NELL2: variants seen among roughly 807,000 people sequenced by gnomAD.
NELL2 encodes neural EGFL like 2, also known as protein kinase C-binding protein NELL2.
In NELL2, 41 loss-of-function variants were observed where a neutral mutation model predicts 109.6. That is an observed-to-expected ratio of 0.37 (90% CI 0.29 to 0.49). NELL2 has a LOEUF of 0.49. NELL2 is among the 20% of genes least tolerant of loss of function. NELL2 has a pLI of 0.98. For missense variants in NELL2, 900 were observed against 1,008.3 expected, an observed-to-expected ratio of 0.89 and a Z score of 1.45; for synonymous variants, 355 against 344.7, an observed-to-expected ratio of 1.03 and a Z score of -0.33.
chr12:44,736,904 A>G (rs1376945103), intron 9 of NELL2, among the ~76,000 whole-genome samples: 1 of 152,064 alleles, frequency 6.6e-6, no homozygotes, highest in African/African-American at 2.4e-5. Context: ...AAAATAATAG[A>G]AAATTTCCTA....
chr12:44,539,635 C>T (rs1053165597), intron 15 of NELL2, among the ~76,000 whole-genome samples: 1 of 151,978 alleles, frequency 6.6e-6, no homozygotes, highest in East Asian at 1.9e-4. Flanking sequence ...GGCTTTTGAC[C>T]TTAGCCACTA....
At chr12:44,766,650 C>T (rs1211096870) in intron 9 of NELL2, among the ~76,000 whole-genome samples, 1 of 152,108 alleles carries the variant, frequency 6.6e-6, no homozygotes, top group Non-Finnish European at 1.5e-5. Flanking sequence ...TGAATGATAC[C>T]TAGATTATCA....
chr12:44,679,602 G>A (rs960180554), intron 12 of NELL2, among the ~76,000 whole-genome samples: 1 of 152,090 alleles, frequency 6.6e-6, no homozygotes, highest in African/African-American at 2.4e-5. Context: ...AAGTTGAGAC[G>A]TTTCCCAAAT....
chr12:44,892,398 C>T (rs1170603845), intron 1 of NELL2, among the ~76,000 whole-genome samples: 1 of 152,114 alleles, frequency 6.6e-6, no homozygotes, highest in Admixed American at 6.5e-5. Context: ...AAGTGCTTAC[C>T]AGCTTTCAAG....
At chr12:44,689,682 C>A (rs1592341132) in intron 12 of NELL2, among the ~76,000 whole-genome samples, 1 of 152,350 alleles carries the variant, frequency 6.6e-6, no homozygotes, top group Middle Eastern at 3.4e-3. Flanking sequence ...TTATTCTCAA[C>A]TGAGAGCAAT....
intron 9 of NELL2, among the ~76,000 whole-genome samples, chr12:44,725,725 T>G (rs1410980284): frequency 6.6e-6 from 1 of 152,166 alleles, no homozygotes; most frequent in African/African-American, 2.4e-5. Flanking sequence ...TGGAGGCTCT[T>G]ATCCTTAGCA....
chr12:44,664,829 A>ATGTTT lies in NELL2; in HGVS notation c.1444+650_1444+654dup, dbSNP rs144528117. Among the ~76,000 whole-genome samples the ATGTTT allele has an allele frequency of 3.8e-3, 578 of 151,922 alleles. 2 individuals carry two copies. The highest frequency in any genetic ancestry group is 8.1e-3 in the African/African-American group (336 of 41,446). On this transcript the variant is annotated intron_variant, in intron 13 of 19. Coordinates refer to ENST00000429094, the MANE Select transcript of NELL2 (RefSeq NM_001145108.2). ...GTATTCAAGCTACTCTTCTAGCATC[A>ATGTTT]TGTTTTGTTTTGTTTTGTTTTGTTT... is the stretch of plus-strand genomic sequence containing the variant.
intron 9 of NELL2, among the ~76,000 whole-genome samples, chr12:44,737,034 A>G (rs910436887): frequency 3.3e-5 from 5 of 152,102 alleles, no homozygotes; most frequent in Non-Finnish European, 7.4e-5. Context: ...TTACATAAAA[A>G]TATTATTTTT....
At chr12:44,581,613 C>G (rs1166532345) in intron 15 of NELL2, among the ~76,000 whole-genome samples, 1 of 151,298 alleles carries the variant, frequency 6.6e-6, no homozygotes, top group Admixed American at 6.6e-5. Flanking sequence ...AACTACTTCT[C>G]TTTATATAGG....
At position 44,771,883 on chromosome 12, in the gene NELL2, A is replaced by T. The variant is rs79502723; in HGVS notation, c.994+2864T>A. Among the ~76,000 whole-genome samples the T allele has an allele frequency of 9.4e-3, 1,437 of 152,342 alleles. 18 individuals carry two copies. Among genetic ancestry groups the T allele is most frequent in the African/African-American group, 0.032 (1,335 of 41,572 alleles). ...ACTCCGATGAAGCAAGCCTGAAAGC[A>T]TTAAAGGAAGAGCACCAAAAAGTGA... is the stretch of plus-strand genomic sequence containing the variant. On this transcript the variant is annotated intron_variant, in intron 9 of 19. Transcript: ENST00000429094.
chr12:44,525,057 C>T (rs1437704854), intron 16 of NELL2, among the ~76,000 whole-genome samples: 2 of 152,012 alleles, frequency 1.3e-5, no homozygotes, highest in Non-Finnish European at 2.9e-5. Context: ...ATAAACAAAC[C>T]ATAGTTATTT....
intron 2 of NELL2, among the ~76,000 whole-genome samples, chr12:44,846,640 T>A (rs1944378947): frequency 6.6e-6 from 1 of 152,218 alleles, no homozygotes; most frequent in Admixed American, 6.5e-5. Context: ...AAAAGTATTA[T>A]GATATTCCAT....
At chr12:44,739,331 T>C (rs941381461) in intron 9 of NELL2, among the ~76,000 whole-genome samples, 5 of 152,236 alleles carry the variant, frequency 3.3e-5, no homozygotes, top group African/African-American at 1.2e-4. Flanking sequence ...TATCTATACA[T>C]CTAAATGGTA....
intron 13 of NELL2, 93 bp downstream of exon 13, chr12:44,665,391 G>T: frequency 9.5e-7 from 1 of 1,048,744 alleles, no homozygotes; most frequent in Non-Finnish European, 1.3e-6. Flanking sequence ...TTGTATTTAT[G>T]GTATACTTAT....
intron 11 of NELL2, among the ~76,000 whole-genome samples, chr12:44,704,093 A>C (rs1408304373): frequency 6.6e-6 from 1 of 152,160 alleles, no homozygotes. Context: ...TTTTGACTTT[A>C]TAAATGCTAT....
At chr12:44,849,222 C>A (rs1944460759) in intron 2 of NELL2, among the ~76,000 whole-genome samples, 1 of 151,890 alleles carries the variant, frequency 6.6e-6, no homozygotes, top group Non-Finnish European at 1.5e-5. Flanking sequence ...TATTCCTGCT[C>A]ATCAAAGAAA....
rs949587516 is a variant in NELL2 at position 44,816,219 on chromosome 12, CTT to C, written c.185-85_185-84del. 4.8e-6 allele frequency: 6 copies of C among 1,262,208 alleles called. No homozygotes were observed. In the African/African-American group the frequency reaches 7.6e-5, roughly 16 times the overall value. The allele number at this position is 1,262,208 out of a possible 1,614,324, so 78.2% of individuals were successfully genotyped here. ...TTTACATGTAACATCTTTCAAAAAA[CTT>C]TATCAAGTTTATCAGTAGCAGCTGA... On this transcript the variant is annotated intron_variant, in intron 2 of 19. Coordinates refer to ENST00000429094, the MANE Select transcript of NELL2 (RefSeq NM_001145108.2).
chr12:44,538,064 T>C (rs148831751), intron 15 of NELL2, among the ~76,000 whole-genome samples: 2 of 152,312 alleles, frequency 1.3e-5, no homozygotes, highest in Non-Finnish European at 2.9e-5. Flanking sequence ...CTCTTCATCA[T>C]ATTGATTAAT....
At chr12:44,894,607 G>A (rs923865380) in intron 1 of NELL2, among the ~76,000 whole-genome samples, 6 of 152,076 alleles carry the variant, frequency 3.9e-5, no homozygotes, top group East Asian at 1.9e-4. Context: ...AAGTAAAAAC[G>A]TTCTATCAGA....
Sources: allele counts gnomAD v4.1 joint callset (sites outside exome capture counted in the v4.1 genomes callset), GRCh38; gene constraint gnomAD v4.1.1; transcripts MANE v1.5; gene names NCBI Gene and HGNC (gene_info 2026-07-23, HGNC 2026-07-21).